Variants in SLC6A2 observed in about 807,000 individuals in gnomAD.
The protein encoded by SLC6A2 is solute carrier family 6 member 2.
A neutral mutation model predicts 71.7 loss-of-function variants in SLC6A2; 26 were observed. The observed-to-expected ratio is 0.36, with a 90% confidence interval of 0.27 to 0.50. SLC6A2 has a LOEUF of 0.50. Among genes scored for constraint, SLC6A2 ranks in the 20% least tolerant of loss-of-function variants. The pLI is 0.96. For synonymous variants in SLC6A2, 363 were observed against 337.9 expected (o/e 1.07, Z -0.82); for missense variants, 581 against 803.9 (o/e 0.72, Z 3.35).
chr16:55,656,503 G>C lies in SLC6A2; in HGVS notation c.-51-141G>C. 1 of 677,944 alleles carries C rather than the reference G, an allele frequency of 1.5e-6. No individual in the cohort carries two copies. Among genetic ancestry groups the C allele is most frequent in the South Asian group, 1.8e-5 (1 of 55,802 alleles). 42.0% of individuals were successfully genotyped at this position (677,944 alleles called of 1,614,324 possible). On this transcript the variant is annotated intron_variant, in intron 1 of 14. Transcript: ENST00000568943. The surrounding 1 kb of genome is among the most constrained non-coding windows in gnomAD (Gnocchi z 4.5). ...ACCTCTGTTTCCAAATTTTTCCAGC[G>C]GACGCGCGCCCTTTTCTGGGAACCC...
intron 3 of SLC6A2, among the ~76,000 whole-genome samples, chr16:55,670,837 A>G (rs1000653897): frequency 1.1e-4 from 16 of 152,204 alleles, no homozygotes; most frequent in Non-Finnish European, 5.9e-5. Flanking sequence ...TTGGCCAGGC[A>G]TACATCTTGC....
intron 9 of SLC6A2, 122 bp from the exon 10 acceptor site, chr16:55,697,775 G>A (rs1402633377): frequency 1.4e-5 from 14 of 1,018,784 alleles, no homozygotes; most frequent in South Asian, 5.5e-5. Context: ...CTGATTTCTC[G>A]AGAGAGGCAA....
In SLC6A2 at chr16:55,705,363, G is replaced by A. The variant is rs1405662128; in HGVS notation, c.*3017G>A. Reference sequence around the variant, plus strand: ...GCTATATGATCTGTTTTCTAGCCTCGCTAATGTGAGACTGAAGCATTCTTA... The same window carrying A: ...GCTATATGATCTGTTTTCTAGCCTCACTAATGTGAGACTGAAGCATTCTTA... On this transcript the variant is annotated 3_prime_UTR_variant, in exon 15 of 15. Coordinates refer to ENST00000568943, the MANE Select transcript of SLC6A2 (RefSeq NM_001172501.3). 27 of 805,126 alleles carry A rather than the reference G, an allele frequency of 3.4e-5. No homozygotes were observed. Among genetic ancestry groups the A allele is most frequent in the South Asian group, 2.7e-4 (15 of 55,864 alleles). The allele number at this position is 805,126 out of a possible 1,614,324, so 49.9% of individuals were successfully genotyped here.
chr16:55,677,068 C>T (rs1223886530), intron 4 of SLC6A2, among the ~76,000 whole-genome samples: 2 of 152,204 alleles, frequency 1.3e-5, no homozygotes, highest in Admixed American at 6.5e-5. Context: ...CCCTTGTTTA[C>T]ACACTGCGCT....
intron 7 of SLC6A2, 148 bp from the exon 8 acceptor site, chr16:55,695,129 GC>G: frequency 1.2e-6 from 1 of 846,108 alleles, no homozygotes; most frequent in Non-Finnish European, 2.0e-6. Flanking sequence ...TGATGGTGAG[GC>G]CCTGTATCCA....
intron 8 of SLC6A2, among the ~76,000 whole-genome samples, chr16:55,695,883 G>C (rs1276632041): frequency 6.6e-6 from 1 of 152,178 alleles, no homozygotes; most frequent in Admixed American, 6.5e-5. Flanking sequence ...TATGGCCACA[G>C]AGAAGCTGAG....
Position 55,702,791 on chromosome 16 carries a change from CT to C in SLC6A2, c.*446del. Reference sequence around the variant, plus strand: ...AACTAAAGCAAAAATCAAACAAAATCTGGCTGAGTTTAGTGGGGTGGTTGGG... The same window carrying C: ...AACTAAAGCAAAAATCAAACAAAATCGGCTGAGTTTAGTGGGGTGGTTGGG... On this transcript the variant is annotated 3_prime_UTR_variant, in exon 15 of 15. Transcript: ENST00000568943. 1 of 1,054,282 alleles carries C rather than the reference CT, an allele frequency of 9.5e-7. No homozygotes were observed. The highest frequency in any genetic ancestry group is 1.1e-6 in the Non-Finnish European group (1 of 873,292). The allele number at this position is 1,054,282 out of a possible 1,614,324, so 65.3% of individuals were successfully genotyped here.
At chr16:55,679,664 G>A (rs1315605879) in intron 4 of SLC6A2, among the ~76,000 whole-genome samples, 1 of 152,202 alleles carries the variant, frequency 6.6e-6, no homozygotes, top group Non-Finnish European at 1.5e-5. Context: ...AAGTTAGCCA[G>A]GCAGACAAAT....
chr16:55,672,391 C>T (rs1352465994), intron 4 of SLC6A2, among the ~76,000 whole-genome samples: 1 of 152,034 alleles, frequency 6.6e-6, no homozygotes, highest in Non-Finnish European at 1.5e-5. Flanking sequence ...GAAGTGGAGG[C>T]GGGCAAGATA....
intron 2 of SLC6A2, among the ~76,000 whole-genome samples, chr16:55,666,164 T>A (rs147753331): frequency 1.3e-5 from 2 of 152,288 alleles, no homozygotes; most frequent in East Asian, 3.9e-4. Context: ...CATTCCAAGA[T>A]AAGATTCTGG....
intron 5 of SLC6A2, among the ~76,000 whole-genome samples, chr16:55,691,624 C>A (rs1264249264): frequency 1.3e-5 from 2 of 152,130 alleles, no homozygotes; most frequent in Non-Finnish European, 2.9e-5. Flanking sequence ...GCATCTGGTG[C>A]TATGAGGACC....
intron 2 of SLC6A2, among the ~76,000 whole-genome samples, chr16:55,669,082 G>A (rs898921386): frequency 7.9e-5 from 12 of 152,288 alleles, no homozygotes; most frequent in Admixed American, 2.0e-4. Flanking sequence ...TAGGATGCCA[G>A]CAAAATTAGA....
Position 55,700,207 on chromosome 16 carries a change from G to C in SLC6A2, c.1659G>C (p.Trp553Cys). 1 of 1,613,920 alleles carries C rather than the reference G, an allele frequency of 6.2e-7. No homozygotes were observed. The highest frequency in any genetic ancestry group is 1.1e-5 in the South Asian group (1 of 91,066). ...LTYDDYIFPP[W>C]ANWVGWGIAL... ...ACGACGACTACATCTTCCCGCCCTGGGCCAACTGGGTGGGGTGGGGCATCG... is the reference window on the plus strand; with the variant it reads ...ACGACGACTACATCTTCCCGCCCTGCGCCAACTGGGTGGGGTGGGGCATCG... The change falls in exon 13 of 15, where the codon TGG (tryptophan) becomes TGC (cysteine). Residue 553 changes from tryptophan to cysteine, a missense_variant. Physicochemically the swap from Trp to Cys is radical, Grantham distance 215 (BLOSUM62 -2). Coordinates refer to ENST00000568943, the MANE Select transcript of SLC6A2 (RefSeq NM_001172501.3).
chr16:55,675,783 A>G (rs1765278666), intron 4 of SLC6A2, among the ~76,000 whole-genome samples: 1 of 152,150 alleles, frequency 6.6e-6, no homozygotes, highest in South Asian at 2.1e-4. Context: ...AGTGTGGAAA[A>G]AAAAAACATA....
intron 4 of SLC6A2, among the ~76,000 whole-genome samples, chr16:55,684,793 G>A (rs761083116): frequency 1.3e-5 from 2 of 152,192 alleles, no homozygotes; most frequent in African/African-American, 2.4e-5. Context: ...GCTGAGAACT[G>A]CTCTTTATAG....
Position 55,692,040 on chromosome 16 carries a change from G to C in SLC6A2, c.906G>C (p.Leu302Phe), listed in dbSNP as rs768638736. 6.2e-7 allele frequency: 1 copy of C among 1,614,198 alleles called. No homozygotes were observed. The highest frequency in any genetic ancestry group is 1.1e-5 in the South Asian group (1 of 91,086). ...NAYLHIDFYR[L>F]KEATVWIDAA... ...ACCTGCACATCGACTTCTACCGCTT[G>C]AAAGAGGCCACGGTCAGTGCTCAGT... The change falls in exon 6 of 15, where the codon TTG (leucine) becomes TTC (phenylalanine). Residue 302 changes from leucine (L) to phenylalanine (F), a missense_variant. Leu to Phe is a conservative substitution (Grantham distance 22, BLOSUM62 0). This residue lies in a region of SLC6A2 where 334 missense variants were observed against 449.0 expected (regional missense o/e 0.74). Coordinates refer to ENST00000568943, the MANE Select transcript of SLC6A2 (RefSeq NM_001172501.3).
chr16:55,681,958 G>A (rs1596985304), intron 4 of SLC6A2, among the ~76,000 whole-genome samples: 1 of 152,214 alleles, frequency 6.6e-6, no homozygotes, highest in Non-Finnish European at 1.5e-5. Context: ...CCAGGCTGGA[G>A]TGCAGTGACA....
chr16:55,657,071 C>G (rs1434254262), intron 2 of SLC6A2, 103 bp downstream of exon 2: 1 of 1,329,418 alleles, frequency 7.5e-7, no homozygotes, highest in Non-Finnish European at 1.0e-6. Context: ...GGCGAGGAGA[C>G]AGGGGCAAAT....
intron 6 of SLC6A2, among the ~76,000 whole-genome samples, chr16:55,692,810 A>G (rs1486421363): frequency 6.6e-6 from 1 of 152,230 alleles, no homozygotes; most frequent in Admixed American, 6.5e-5. Context: ...ATGCATCCCA[A>G]TATACATCTC....
Sources: allele counts gnomAD v4.1 joint callset (sites outside exome capture counted in the v4.1 genomes callset), GRCh38; gene constraint gnomAD v4.1.1; regional missense constraint gnomAD v4.1.1; non-coding constraint Gnocchi (gnomAD v3.1); transcripts MANE v1.5; gene names NCBI Gene and HGNC (gene_info 2026-07-23, HGNC 2026-07-21).